Variants in PKD1 observed in about 807,000 individuals in gnomAD.
The protein encoded by PKD1 is polycystin-1.
In PKD1, 81 loss-of-function variants were observed where a neutral mutation model predicts 361.7. The ratio of observed to expected loss-of-function variants is 0.22; its 90% CI spans 0.19 to 0.27. The LOEUF (loss-of-function observed/expected upper bound fraction) is 0.27, where lower values mean the gene tolerates loss of function less well. Among genes scored for constraint, PKD1 ranks in the 10% least tolerant of loss-of-function variants. The probability of loss-of-function intolerance (pLI) is 1.00; values close to 1 mark genes in which losing one functional copy is unlikely to be tolerated. For synonymous variants in PKD1, 3,615 were observed against 2,818.3 expected (o/e 1.28, Z -8.95); for missense variants, 6,399 against 6,118.3 (o/e 1.05, Z -1.53).
At chr16:2,101,302 G>A (rs140915042) in intron 26 of PKD1, among the ~76,000 whole-genome samples, 2 of 152,048 alleles carry the variant, frequency 1.3e-5, no homozygotes, top group Admixed American at 6.5e-5. Context: ...TTAAAAGTAG[G>A]TAATCAAAAG....
In PKD1 at chr16:2,109,928, C is replaced by G; in HGVS notation, c.5239G>C (p.Gly1747Arg). 1 of 1,610,458 alleles carries G rather than the reference C, an allele frequency of 6.2e-7. No homozygotes were observed. ...TCCAAGGACCAAGTGTATACGACAC[C>G]ACTGCCACCAGCCAGCTCGGCACTG... is the stretch of plus-strand genomic sequence containing the variant. ...TLSAELAGGS[G>R]VVYTWSLEEG... The change falls in exon 15 of 46, where the codon GGT (glycine) becomes CGT (arginine). Residue 1747 changes from glycine to arginine, a missense_variant. By Grantham distance (125) the Gly-to-Arg change is moderately radical. Coordinates refer to ENST00000262304, the MANE Select transcript of PKD1 (RefSeq NM_001009944.3).
chr16:2,105,593 T>G, intron 20 of PKD1, 119 bp from the exon 21 acceptor site: 2 of 1,588,802 alleles, frequency 1.3e-6, no homozygotes, highest in Non-Finnish European at 1.7e-6. Flanking sequence ...ATGCGGGCAC[T>G]GACCCACAAC....
Sources: gnomAD v4.1 joint callset for allele counts (sites outside exome capture counted in the v4.1 genomes callset) on GRCh38, gnomAD v4.1.1 for gene constraint, MANE v1.5 for transcripts, NCBI Gene and HGNC (gene_info 2026-07-23, HGNC 2026-07-21) for gene names.